NCKAP5: variants seen among roughly 807,000 people sequenced by gnomAD.
NCKAP5 encodes the protein NCK associated protein 5.
Under a neutral mutation model 167.0 loss-of-function variants are expected in NCKAP5, and 92 were observed. The observed-to-expected ratio is 0.55, with a 90% confidence interval of 0.47 to 0.66. NCKAP5 has a LOEUF of 0.66. NCKAP5 is among the 30% of genes least tolerant of loss of function. The pLI is 0.00. For missense variants in NCKAP5, 2,378 were observed against 2,315.0 expected (o/e 1.03, Z -0.56); for synonymous variants, 891 against 877.4 (o/e 1.02, Z -0.27).
intron 2 of NCKAP5, among the ~76,000 whole-genome samples, chr2:133,557,359 A>T (rs1437810130): frequency 6.6e-6 from 1 of 152,186 alleles, no homozygotes; most frequent in Non-Finnish European, 1.5e-5. Context: ...CAAATAGCAA[A>T]GAGAGAGGCC....
intron 4 of NCKAP5, among the ~76,000 whole-genome samples, chr2:133,234,332 T>A (rs2087293486): frequency 6.6e-6 from 1 of 152,208 alleles, no homozygotes; most frequent in African/African-American, 2.4e-5. Context: ...ACAAAGATGA[T>A]CTGAACACAT....
At chr2:133,481,598 C>T (rs778731707) in intron 3 of NCKAP5, among the ~76,000 whole-genome samples, 6 of 152,162 alleles carry the variant, frequency 3.9e-5, no homozygotes, top group African/African-American at 7.2e-5. Context: ...CTCCACCCTC[C>T]GATAGGCCCC....
At chr2:133,525,607 C>T (rs986984294) in intron 2 of NCKAP5, among the ~76,000 whole-genome samples, 1 of 152,214 alleles carries the variant, frequency 6.6e-6, no homozygotes, top group East Asian at 1.9e-4. Context: ...AGTAATTTCT[C>T]TCACTATTAA....
At chr2:133,355,821 T>C (rs1484314826) in intron 3 of NCKAP5, among the ~76,000 whole-genome samples, 1 of 152,134 alleles carries the variant, frequency 6.6e-6, no homozygotes, top group East Asian at 1.9e-4. Flanking sequence ...CATATTTGCA[T>C]TTTCTTTTTA....
At chr2:133,092,585 A>G (rs1168785323) in intron 6 of NCKAP5, among the ~76,000 whole-genome samples, 2 of 149,774 alleles carry the variant, frequency 1.3e-5, no homozygotes. Flanking sequence ...TCCTAAAATA[A>G]CATAATTTTT....
chr2:133,599,710 G>T, the NCKAP5 span, among the ~76,000 whole-genome samples: 2 of 152,222 alleles, frequency 1.3e-5, no homozygotes, highest in East Asian at 3.9e-4. Context: ...GGATCCTGAG[G>T]TGCTGGGAGG....
intron 16 of NCKAP5, among the ~76,000 whole-genome samples, chr2:132,750,288 A>C (rs1559007253): frequency 6.6e-6 from 1 of 152,206 alleles, no homozygotes; most frequent in Non-Finnish European, 1.5e-5. Context: ...TGCAACAATC[A>C]TTTTGACATA....
At chr2:133,067,873 T>C (rs1417757963) in intron 6 of NCKAP5, among the ~76,000 whole-genome samples, 1 of 152,106 alleles carries the variant, frequency 6.6e-6, no homozygotes, top group African/African-American at 2.4e-5. Flanking sequence ...ACAATAGAAT[T>C]GGGTAGCAGG....
intron 4 of NCKAP5, among the ~76,000 whole-genome samples, chr2:133,214,720 T>C (rs1364092462): frequency 2.6e-5 from 4 of 151,418 alleles, no homozygotes; most frequent in Non-Finnish European, 4.4e-5. Context: ...AAATGTTAGC[T>C]TTAGTAAGTA....
chr2:132,719,473 T>G (rs897274014), intron 19 of NCKAP5, among the ~76,000 whole-genome samples: 1 of 152,198 alleles, frequency 6.6e-6, no homozygotes. Context: ...GAGAGATACA[T>G]GTACCTAGGA....
intron 16 of NCKAP5, among the ~76,000 whole-genome samples, chr2:132,763,720 C>T (rs376792679): frequency 1.3e-5 from 2 of 152,182 alleles, no homozygotes; most frequent in Non-Finnish European, 2.9e-5. Flanking sequence ...TCCACTAAAG[C>T]GGGGCTCTGC....
At chr2:132,809,133 G>T (rs1226182791) in intron 11 of NCKAP5, among the ~76,000 whole-genome samples, 2 of 152,024 alleles carry the variant, frequency 1.3e-5, no homozygotes, top group African/African-American at 4.8e-5. Flanking sequence ...CTGAGAGAGT[G>T]CTTGATATAA....
intron 3 of NCKAP5, among the ~76,000 whole-genome samples, chr2:133,385,292 C>T (rs1245182887): frequency 1.3e-5 from 2 of 152,200 alleles, no homozygotes; most frequent in African/African-American, 4.8e-5. Context: ...TTTTCTGCAT[C>T]TACTGAGATA....
intron 4 of NCKAP5, among the ~76,000 whole-genome samples, chr2:133,250,767 A>G (rs184662939): frequency 3.5e-4 from 53 of 152,266 alleles, no homozygotes; most frequent in East Asian, 2.5e-3. Flanking sequence ...GGGAGCCTAC[A>G]TCTCTACAAA....
At chr2:132,735,221 G>A (rs1198660644) in intron 16 of NCKAP5, among the ~76,000 whole-genome samples, 1 of 152,172 alleles carries the variant, frequency 6.6e-6, no homozygotes, top group Non-Finnish European at 1.5e-5. Flanking sequence ...GTTTGGATCT[G>A]CGTCCCTGCT....
chr2:133,546,911 C>A (rs1226914770), intron 2 of NCKAP5, among the ~76,000 whole-genome samples: 1 of 152,186 alleles, frequency 6.6e-6, no homozygotes, highest in African/African-American at 2.4e-5. Context: ...CGGTCTACAG[C>A]TCCCAGCGTG....
At chr2:132,942,895 G>C (rs915230525) in intron 8 of NCKAP5, among the ~76,000 whole-genome samples, 1 of 152,154 alleles carries the variant, frequency 6.6e-6, no homozygotes, top group Non-Finnish European at 1.5e-5. Context: ...GTCTGCCAAC[G>C]GGAGTAACTC....
chr2:133,643,085 G>A, the NCKAP5 span, among the ~76,000 whole-genome samples: 159 of 152,098 alleles, frequency 1.0e-3, no homozygotes, highest in African/African-American at 3.7e-3. Flanking sequence ...TTGTTGAAAG[G>A]CATCCAAATC....
intron 11 of NCKAP5, among the ~76,000 whole-genome samples, chr2:132,814,282 A>G (rs1686101600): frequency 6.6e-6 from 1 of 152,206 alleles, no homozygotes; most frequent in African/African-American, 2.4e-5. Flanking sequence ...CTGTTACTTT[A>G]CCCCATGGTA....
Sources: allele counts gnomAD v4.1 joint callset (sites outside exome capture counted in the v4.1 genomes callset), GRCh38; gene constraint gnomAD v4.1.1; transcripts MANE v1.5; gene names NCBI Gene and HGNC (gene_info 2026-07-23, HGNC 2026-07-21).